Variants in SGCD observed in about 807,000 individuals in gnomAD.
SGCD encodes sarcoglycan delta, also known as delta-sarcoglycan.
In SGCD, 18 loss-of-function variants were observed where a neutral mutation model predicts 36.6. The ratio of observed to expected loss-of-function variants is 0.49; its 90% CI spans 0.34 to 0.73. The LOEUF is 0.73. Ranked by LOEUF, SGCD falls within the 30% of genes least tolerant of loss-of-function variation. The pLI, the probability that SGCD is intolerant of heterozygous loss-of-function variation, is 0.01. For missense variants in SGCD, 387 were observed against 346.7 expected (o/e 1.12, Z -0.92); for synonymous variants, 133 against 130.6 (o/e 1.02, Z -0.12).
At chr5:156,637,549 A>T (rs1762875851) in intron 6 of SGCD, among the ~76,000 whole-genome samples, 1 of 152,186 alleles carries the variant, frequency 6.6e-6, no homozygotes, top group African/African-American at 2.4e-5. Flanking sequence ...AAACTTTCTC[A>T]GTGCTCCTCC....
chr5:156,201,443 T>A (rs1764148788), intron 3 of SGCD, among the ~76,000 whole-genome samples: 1 of 152,180 alleles, frequency 6.6e-6, no homozygotes, highest in South Asian at 2.1e-4. Flanking sequence ...ACTGTAGCAA[T>A]GAGCAAAGCT....
At chr5:156,572,562 A>G (rs1194363024) in intron 4 of SGCD, among the ~76,000 whole-genome samples, 4 of 152,176 alleles carry the variant, frequency 2.6e-5, no homozygotes, top group Admixed American at 2.6e-4. Context: ...GTCAATCAAA[A>G]CATGACCTGA....
chr5:156,635,169 A>T (rs1762778139), intron 6 of SGCD, among the ~76,000 whole-genome samples: 1 of 152,182 alleles, frequency 6.6e-6, no homozygotes, highest in African/African-American at 2.4e-5. Flanking sequence ...GGCTGCAGTC[A>T]GCTGTGATCA....
intron 6 of SGCD, among the ~76,000 whole-genome samples, chr5:156,633,059 A>T (rs770999364): frequency 6.6e-6 from 1 of 152,014 alleles, no homozygotes; most frequent in Admixed American, 6.6e-5. Context: ...GGGCCATGTG[A>T]CTTCTTTTTT....
At chr5:156,598,444 A>C (rs1020850177) in intron 6 of SGCD, among the ~76,000 whole-genome samples, 1 of 152,192 alleles carries the variant, frequency 6.6e-6, no homozygotes, top group Non-Finnish European at 1.5e-5. Context: ...GGGGAGGCTG[A>C]GGCAGGAGAA....
At chr5:156,323,145 G>A (rs1036064442), upstream of SGCD, among the ~76,000 whole-genome samples, 11 of 152,146 alleles carry the variant, frequency 7.2e-5, no homozygotes, top group African/African-American at 2.7e-4. Flanking sequence ...AGTGGTCCAA[G>A]CTGACATGAC....
intron 2 of SGCD, among the ~76,000 whole-genome samples, chr5:156,340,294 G>A (rs528694034): frequency 6.6e-6 from 1 of 152,278 alleles, no homozygotes; most frequent in East Asian, 1.9e-4. Flanking sequence ...CTTTTGACTA[G>A]CTTCTGTCTT....
the SGCD span, among the ~76,000 whole-genome samples, chr5:155,840,152 A>C: frequency 9.9e-5 from 15 of 151,898 alleles, no homozygotes; most frequent in Non-Finnish European, 8.8e-5. Flanking sequence ...TTTGTTGTTG[A>C]AATTTTTCCA....
chr5:156,591,768 G>A (rs1760730044), intron 5 of SGCD, among the ~76,000 whole-genome samples: 2 of 152,116 alleles, frequency 1.3e-5, no homozygotes, highest in South Asian at 4.1e-4. Flanking sequence ...TTCAACATGT[G>A]ACCTCCTGAG....
chr5:156,127,350 T>A (rs1344625126), intron 3 of SGCD, among the ~76,000 whole-genome samples: 2 of 152,254 alleles, frequency 1.3e-5, no homozygotes, highest in Non-Finnish European at 2.9e-5. Flanking sequence ...ATGCCTGTAA[T>A]CTTAGTGATT....
chr5:155,735,132 T>C, the SGCD span, among the ~76,000 whole-genome samples: 1 of 152,208 alleles, frequency 6.6e-6, no homozygotes, highest in South Asian at 2.1e-4. Flanking sequence ...GTGGCCATTG[T>C]CCTTAAATGC....
chr5:156,378,579 T>C (rs2312063), intron 3 of SGCD, among the ~76,000 whole-genome samples: 58,350 of 152,006 alleles, frequency 0.38, 12,030 homozygotes, highest in East Asian at 0.78. Context: ...CCCTGCAATC[T>C]CATGACCATC....
In SGCD at chr5:156,185,446, C is replaced by G. The variant is rs372187011; in HGVS notation, c.-44+61427C>G. 1.7e-3 allele frequency among the ~76,000 whole-genome samples: 251 copies of G among 152,084 alleles called. 1 individual carries two copies. Among genetic ancestry groups the G allele is most frequent in the Non-Finnish European group, 3.3e-3 (222 of 67,980 alleles). ...AGCCAGGATGGTCTCGATCTCCTGA[C>G]CTTGTGATCCGCCCGCCTTGGCCTC... is the stretch of plus-strand genomic sequence containing the variant. On this transcript the variant is annotated intron_variant, in intron 3 of 9. Transcript: ENST00000517913.
intron 4 of SGCD, among the ~76,000 whole-genome samples, chr5:156,569,194 C>G (rs1440308096): frequency 6.6e-6 from 1 of 152,042 alleles, no homozygotes; most frequent in African/African-American, 2.4e-5. Context: ...TTTTTGTACC[C>G]ACCATGTACG....
intron 1 of SGCD, among the ~76,000 whole-genome samples, chr5:155,958,051 A>G (rs543229813): frequency 6.6e-6 from 1 of 152,102 alleles, no homozygotes; most frequent in African/African-American, 2.4e-5. Context: ...AGACAACGTT[A>G]TGAATGTCCT....
intron 4 of SGCD, among the ~76,000 whole-genome samples, chr5:156,568,659 G>T (rs1759594661): frequency 6.6e-6 from 1 of 152,208 alleles, no homozygotes; most frequent in Admixed American, 6.5e-5. Context: ...ATGTGCACTT[G>T]TACAGTGGGC....
At chr5:156,175,112 A>T (rs986431858) in intron 3 of SGCD, among the ~76,000 whole-genome samples, 2 of 152,192 alleles carry the variant, frequency 1.3e-5, no homozygotes, top group Non-Finnish European at 2.9e-5. Context: ...CTTGAATTCC[A>T]GTAACACCAA....
At chr5:156,484,658 C>T (rs1442955811) in intron 3 of SGCD, among the ~76,000 whole-genome samples, 1 of 152,068 alleles carries the variant, frequency 6.6e-6, no homozygotes, top group Non-Finnish European at 1.5e-5. Context: ...TGTACCTGGT[C>T]TCATTCTCAC....
chr5:156,246,707 T>C (rs1396936541), intron 3 of SGCD, among the ~76,000 whole-genome samples: 1 of 152,188 alleles, frequency 6.6e-6, no homozygotes, highest in Non-Finnish European at 1.5e-5. Flanking sequence ...TTAAAAAATG[T>C]CTTTTTTTGT....
Sources: allele counts gnomAD v4.1 joint callset (sites outside exome capture counted in the v4.1 genomes callset), GRCh38; gene constraint gnomAD v4.1.1; transcripts MANE v1.5; gene names NCBI Gene and HGNC (gene_info 2026-07-23, HGNC 2026-07-21).